Variants in GC observed in about 807,000 individuals in gnomAD.
GC encodes GC vitamin D binding protein, also known as vitamin D-binding protein.
GC carries 43 observed loss-of-function variants against 56.7 expected under a neutral mutation model. The ratio of observed to expected loss-of-function variants is 0.76; its 90% CI spans 0.59 to 0.98. The LOEUF (loss-of-function observed/expected upper bound fraction) is 0.98, where lower values mean the gene tolerates loss of function less well. Among genes scored for constraint, GC ranks in the 50% least tolerant of loss-of-function variants. GC has a pLI of 0.00. For missense variants in GC, 529 were observed against 545.9 expected, an observed-to-expected ratio of 0.97 and a Z score of 0.31; for synonymous variants, 216 against 202.7, an observed-to-expected ratio of 1.07 and a Z score of -0.56.
chr4:71,742,793 T>C (rs1341254534), intron 12 of GC, among the ~76,000 whole-genome samples: 5 of 152,130 alleles, frequency 3.3e-5, no homozygotes, highest in Non-Finnish European at 5.9e-5. Flanking sequence ...GCTAACATGG[T>C]GAAACCCCGT....
At chr4:71,760,566 C>T (rs965665655) in intron 6 of GC, among the ~76,000 whole-genome samples, 3 of 152,078 alleles carry the variant, frequency 2.0e-5, no homozygotes, top group Non-Finnish European at 4.4e-5. Context: ...TACAAGTTAA[C>T]AGTAGTCATA....
exon 1 of GC, chr4:71,803,978 C>G: frequency 7.1e-7 from 1 of 1,407,144 alleles, no homozygotes; most frequent in East Asian, 2.5e-5. Flanking sequence ...CAGATCATCA[C>G]CAGTGGTAGA....
In GC at chr4:71,769,373, C is replaced by A. The variant is rs890547439; in HGVS notation, c.86G>T (p.Cys29Phe). ...CTTTCCCAGATGGGAGAATTCCTTG[C>A]AGACTTTATTCTTTTCATAATCCCG... is the stretch of plus-strand genomic sequence containing the variant. ...RGRDYEKNKV[C>F]KEFSHLGKED... The change falls in exon 2 of 13, where the codon TGC becomes TTC. Residue 29 changes from cysteine (C) to phenylalanine (F), a missense_variant. By Grantham distance (205) the Cys-to-Phe change is radical. Coordinates refer to ENST00000273951, the MANE Select transcript of GC (RefSeq NM_000583.4). The A allele has an allele frequency of 1.2e-6, 2 of 1,613,000 alleles. No homozygotes were observed. The highest frequency in any genetic ancestry group is 1.7e-6 in the Non-Finnish European group (2 of 1,179,144).
At chr4:71,774,971 TTATC>T (rs1428603801) in intron 1 of GC, among the ~76,000 whole-genome samples, 3 of 151,818 alleles carry the variant, frequency 2.0e-5, no homozygotes, top group Non-Finnish European at 4.4e-5. Context: ...TTAAAAATCT[TTATC>T]TTTGACTATC....
At chr4:71,776,483 A>T (rs1028901815) in intron 1 of GC, among the ~76,000 whole-genome samples, 2 of 151,900 alleles carry the variant, frequency 1.3e-5, no homozygotes, top group African/African-American at 4.8e-5. Context: ...AATGATGGCT[A>T]CTAGAGGCTG....
intron 6 of GC, among the ~76,000 whole-genome samples, chr4:71,758,686 T>A (rs1322820659): frequency 6.6e-6 from 1 of 152,188 alleles, no homozygotes; most frequent in Non-Finnish European, 1.5e-5. Flanking sequence ...CTTTTTCACT[T>A]AATATACCAG....
intron 1 of GC, among the ~76,000 whole-genome samples, chr4:71,770,231 T>C (rs2149302478): frequency 6.6e-6 from 1 of 152,174 alleles, no homozygotes; most frequent in East Asian, 1.9e-4. Flanking sequence ...GGGTGGGAAG[T>C]TGTCATGTGA....
chr4:71,784,665 T>C (rs1560710630), upstream of GC, among the ~76,000 whole-genome samples: 1 of 151,808 alleles, frequency 6.6e-6, no homozygotes, highest in East Asian at 1.9e-4. Flanking sequence ...TATTGCACTT[T>C]GTGAAGCACT....
At chr4:71,764,923 A>G (rs762697259) in intron 4 of GC, among the ~76,000 whole-genome samples, 1 of 152,150 alleles carries the variant, frequency 6.6e-6, no homozygotes, top group Non-Finnish European at 1.5e-5. Flanking sequence ...TGCATGTTAA[A>G]CCATAAAAAT....
chr4:71,785,469 A>G (rs1742810314), upstream of GC, among the ~76,000 whole-genome samples: 3 of 151,696 alleles, frequency 2.0e-5, no homozygotes, highest in Admixed American at 2.0e-4. Context: ...ATTTCAGTAA[A>G]CCAATTTAGG....
At chr4:71,795,428 C>G (rs1317763452) in intron 1 of GC, among the ~76,000 whole-genome samples, 1 of 152,050 alleles carries the variant, frequency 6.6e-6, no homozygotes. Flanking sequence ...TTGTTTGTCT[C>G]TTTGATCTTT....
intron 9 of GC, 28 bp downstream of exon 9, chr4:71,754,950 C>G: frequency 6.6e-7 from 1 of 1,508,058 alleles, no homozygotes; most frequent in Non-Finnish European, 8.9e-7. Flanking sequence ...GATCTATGTG[C>G]TTGATAAAGA....
chr4:71,798,277 C>T (rs1349339628), intron 1 of GC, among the ~76,000 whole-genome samples: 4 of 152,120 alleles, frequency 2.6e-5, no homozygotes, highest in Admixed American at 1.3e-4. Flanking sequence ...ATAAAAGCTG[C>T]TTTAAATCTT....
intron 3 of GC, among the ~76,000 whole-genome samples, chr4:71,767,083 TAA>T (rs1742181111): frequency 1.3e-5 from 2 of 152,076 alleles, no homozygotes; most frequent in African/African-American, 4.8e-5. Context: ...CAGGTTAAAA[TAA>T]AAAATATTTA....
chr4:71,767,317 A>G (rs979484121), intron 3 of GC, among the ~76,000 whole-genome samples: 2 of 152,092 alleles, frequency 1.3e-5, no homozygotes. Context: ...ATCAGGCCTG[A>G]CGACTGCATT....
intron 1 of GC, among the ~76,000 whole-genome samples, chr4:71,803,595 T>C (rs1431279722): frequency 1.3e-5 from 2 of 152,206 alleles, no homozygotes; most frequent in East Asian, 1.9e-4. Flanking sequence ...GTATTCTATG[T>C]ATTATTTACT....
chr4:71,771,291 G>T (rs529045118), intron 1 of GC, among the ~76,000 whole-genome samples: 6 of 152,068 alleles, frequency 3.9e-5, no homozygotes, highest in South Asian at 2.1e-4. Context: ...TTGATGGCTT[G>T]CAGTGGAGGT....
chr4:71,804,419 A>T (rs746408916), upstream of GC, among the ~76,000 whole-genome samples: 53 of 152,266 alleles, frequency 3.5e-4, no homozygotes, highest in Admixed American at 6.5e-4. Context: ...ATTAACAGGG[A>T]TGGGCATGGT....
At position 71,769,454 on chromosome 4, in the gene GC, G is replaced by A. The variant is rs1742277284; in HGVS notation, c.59-54C>T. On this transcript the variant is annotated intron_variant, in intron 1 of 12. Coordinates refer to ENST00000273951, the MANE Select transcript of GC (RefSeq NM_000583.4). The stretch of plus-strand genomic sequence containing the variant: ...TGTGTCCCCTTTTGATGAATATTAT[G>A]TTACATGTACATGTATAAAGTGATC... The A allele has an allele frequency of 6.9e-6, 8 of 1,151,606 alleles. 1 individual carries two copies. In the South Asian group the frequency reaches 7.6e-5, roughly 11 times the overall value. 71.3% of individuals were successfully genotyped at this position (1,151,606 alleles called of 1,614,324 possible).
Sources: gnomAD v4.1 joint callset for allele counts (sites outside exome capture counted in the v4.1 genomes callset) on GRCh38, gnomAD v4.1.1 for gene constraint, MANE v1.5 for transcripts, NCBI Gene and HGNC (gene_info 2026-07-23, HGNC 2026-07-21) for gene names.